DET1: variants seen among roughly 807,000 people sequenced by gnomAD.
DET1 encodes DET1 partner of COP1 E3 ubiquitin ligase.
In DET1, 22 loss-of-function variants were observed where a neutral mutation model predicts 43.7. The observed-to-expected ratio is 0.50, with a 90% CI of 0.36 to 0.72. The LOEUF (loss-of-function observed/expected upper bound fraction) is 0.72. Ranked by LOEUF, DET1 falls within the 30% of genes least tolerant of loss-of-function variation. The pLI is 0.00. For missense variants in DET1, 713 were observed against 713.3 expected (o/e 1.00, Z 0.00); for synonymous variants, 315 against 266.2 (o/e 1.18, Z -1.79).
chr15:88,535,733 G>A (rs893116983), intron 1 of DET1, among the ~76,000 whole-genome samples: 1 of 151,826 alleles, frequency 6.6e-6, no homozygotes, highest in East Asian at 1.9e-4. Context: ...TCCAGCCTGG[G>A]CAATGCAGTG....
At chr15:88,513,622 GTTTTT>G (rs34991328) in intron 4 of DET1, among the ~76,000 whole-genome samples, 1 of 115,386 alleles carries the variant, frequency 8.7e-6, no homozygotes, top group African/African-American at 3.2e-5. Flanking sequence ...CTATTAGTGA[GTTTTT>G]TTTTTTTTTT....
chr15:88,509,427 G>A (rs1210043280), downstream of DET1, among the ~76,000 whole-genome samples: 1 of 152,216 alleles, frequency 6.6e-6, no homozygotes, highest in Non-Finnish European at 1.5e-5. Context: ...ATTGCTCAGC[G>A]ATCTTGAGTG....
At chr15:88,541,442 T>A (rs1194544232) in intron 1 of DET1, among the ~76,000 whole-genome samples, 1 of 151,590 alleles carries the variant, frequency 6.6e-6, no homozygotes, top group African/African-American at 2.4e-5. Context: ...TTTGTCTCTG[T>A]GTCTTTTTCT....
intron 2 of DET1, among the ~76,000 whole-genome samples, chr15:88,528,399 G>T (rs895815656): frequency 2.6e-5 from 4 of 152,234 alleles, no homozygotes; most frequent in African/African-American, 7.2e-5. Context: ...TATACAAGCA[G>T]GGTACTGCTG....
At chr15:88,524,304 G>A (rs1346315958) in intron 3 of DET1, among the ~76,000 whole-genome samples, 1 of 152,050 alleles carries the variant, frequency 6.6e-6, no homozygotes, top group Non-Finnish European at 1.5e-5. Flanking sequence ...GGGAAGTGAG[G>A]AGCGTCTCCG....
intron 1 of DET1, among the ~76,000 whole-genome samples, chr15:88,537,038 C>G (rs546393885): frequency 6.6e-6 from 1 of 152,074 alleles, no homozygotes; most frequent in African/African-American, 2.4e-5. Context: ...TTCCAAATGC[C>G]TTATATAAGT....
At chr15:88,543,690 C>T (rs932938517) in intron 1 of DET1, among the ~76,000 whole-genome samples, 3 of 152,170 alleles carry the variant, frequency 2.0e-5, no homozygotes, top group African/African-American at 4.8e-5. Context: ...CTAAATTGAT[C>T]GCCCTCACTC....
intron 1 of DET1, among the ~76,000 whole-genome samples, chr15:88,534,822 C>T (rs1263550586): frequency 2.6e-5 from 4 of 152,198 alleles, no homozygotes; most frequent in Admixed American, 2.0e-4. Flanking sequence ...AGATTGCCTA[C>T]CAAGCCAAAA....
intron 1 of DET1, among the ~76,000 whole-genome samples, chr15:88,542,004 C>A (rs916686522): frequency 6.6e-6 from 1 of 152,160 alleles, no homozygotes; most frequent in Non-Finnish European, 1.5e-5. Context: ...GCTCAGCCCC[C>A]TTCCTGTTTT....
At chr15:88,511,222 T>C (rs2056197386), downstream of DET1, among the ~76,000 whole-genome samples, 1 of 152,160 alleles carries the variant, frequency 6.6e-6, no homozygotes, top group African/African-American at 2.4e-5. Context: ...CGGACTCACC[T>C]GGCCTCTCCC....
chr15:88,532,611 C>A (rs1352200173), intron 1 of DET1, among the ~76,000 whole-genome samples: 3 of 152,030 alleles, frequency 2.0e-5, no homozygotes, highest in African/African-American at 7.2e-5. Context: ...AGACACAGAC[C>A]AATGAAATGG....
chr15:88,517,304 C>T (rs1032419003), intron 3 of DET1, among the ~76,000 whole-genome samples: 15 of 148,958 alleles, frequency 1.0e-4, no homozygotes, highest in African/African-American at 3.7e-4. Context: ...CAGCTCACTG[C>T]AGCCTTGACC....
chr15:88,511,661 T>A, downstream of DET1: 1 of 966,412 alleles, frequency 1.0e-6, no homozygotes, highest in African/African-American at 1.8e-5. Flanking sequence ...ATCCTTGGCA[T>A]CCTGACATAG....
chr15:88,529,750 G>T (rs540293841), intron 2 of DET1, among the ~76,000 whole-genome samples: 1 of 152,338 alleles, frequency 6.6e-6, no homozygotes, highest in African/African-American at 2.4e-5. Context: ...CTGCAAACAG[G>T]AGAATGGGGA....
chr15:88,523,122 C>T (rs2056547919), intron 3 of DET1, among the ~76,000 whole-genome samples: 2 of 151,020 alleles, frequency 1.3e-5, no homozygotes, highest in African/African-American at 4.9e-5. Flanking sequence ...GCGATCAGTC[C>T]ACGCCAACCT....
At position 88,545,606 on chromosome 15, in the gene DET1, G is replaced by C. The variant is rs1598356655; in HGVS notation, c.-11+934C>G. 2.0e-5 allele frequency among the ~76,000 whole-genome samples: 3 copies of C among 151,876 alleles called. No homozygotes were observed. In the South Asian group the frequency reaches 6.3e-4, roughly 32 times the overall value. Reference sequence around the variant, plus strand: ...ATTTTTAGGCCTTGTATATTAAATTGGTTTCTTAATTTTGTAAAACAATGC... The same window carrying C: ...ATTTTTAGGCCTTGTATATTAAATTCGTTTCTTAATTTTGTAAAACAATGC... On this transcript the variant is annotated intron_variant, in intron 1 of 4. Coordinates refer to ENST00000268148, the MANE Select transcript of DET1 (RefSeq NM_001144074.3).
At chr15:88,524,481 T>C (rs2056604272) in intron 3 of DET1, among the ~76,000 whole-genome samples, 1 of 152,112 alleles carries the variant, frequency 6.6e-6, no homozygotes, top group East Asian at 1.9e-4. Context: ...TCATTGAGAA[T>C]GGGCCATGAT....
chr15:88,531,797 C>G lies in DET1; in HGVS notation c.-10-82G>C. On this transcript the variant is annotated intron_variant, in intron 1 of 4. Transcript: ENST00000268148. The surrounding 1 kb of genome is among the most constrained non-coding windows in gnomAD (Gnocchi z 6.2). ...AAATATATACAAGTGAAACAGATTTCTCTTCTTATATCCTGAACCTAGGAG... is the reference window on the plus strand; with the variant it reads ...AAATATATACAAGTGAAACAGATTTGTCTTCTTATATCCTGAACCTAGGAG... 1.5e-6 allele frequency: 2 copies of G among 1,348,850 alleles called. No individual in the cohort carries two copies. The highest frequency in any genetic ancestry group is 1.5e-5 in the South Asian group (1 of 66,628). 83.6% of individuals were successfully genotyped at this position (1,348,850 alleles called of 1,614,324 possible). A position where few individuals can be genotyped will look rare whatever the true frequency, so the allele number is the denominator to read the frequency against.
At chr15:88,533,851 C>CAAAAAA (rs1186867070) in intron 1 of DET1, among the ~76,000 whole-genome samples, 1 of 17,064 alleles carries the variant, frequency 5.9e-5, no homozygotes, top group Non-Finnish European at 1.2e-4. Flanking sequence ...GACCCAATCT[C>CAAAAAA]TAAAAAAAAA....
Sources: allele counts gnomAD v4.1 joint callset (sites outside exome capture counted in the v4.1 genomes callset), GRCh38; gene constraint gnomAD v4.1.1; non-coding constraint Gnocchi (gnomAD v3.1); transcripts MANE v1.5; gene names NCBI Gene and HGNC (gene_info 2026-07-23, HGNC 2026-07-21).